Variants in PUDP observed in about 807,000 individuals in gnomAD.
The protein encoded by PUDP is pseudouridine 5'-phosphatase.
A neutral mutation model predicts 9.4 loss-of-function variants in PUDP; 8 were observed. The ratio of observed to expected loss-of-function variants is 0.85; its 90% CI spans 0.50 to 1.53. The LOEUF (loss-of-function observed/expected upper bound fraction) is 1.53. PUDP is among the 40% of genes most tolerant of loss of function. PUDP has a pLI of 0.00. For missense variants in PUDP, 188 were observed against 189.7 expected (o/e 0.99, Z 0.05); for synonymous variants, 99 against 80.7 (o/e 1.23, Z -1.22).
At chrX:6,812,759 T>TG (rs2146701750) in intron 3 of PUDP, among the ~76,000 whole-genome samples, 1 of 111,482 alleles carries the variant, frequency 9.0e-6, no homozygotes, top group East Asian at 2.8e-4. Flanking sequence ...TAAACAAAAA[T>TG]GGAGTATCTT....
chrX:6,840,759 A>G (rs1267518156), intron 3 of PUDP, among the ~76,000 whole-genome samples: 1 of 105,704 alleles, frequency 9.5e-6, no homozygotes, highest in African/African-American at 3.5e-5. Context: ...CTGGGTGACA[A>G]TGATGTGTCC....
intron 3 of PUDP, among the ~76,000 whole-genome samples, chrX:6,755,254 C>T (rs1925156524): frequency 9.0e-6 from 1 of 111,667 alleles, no homozygotes; most frequent in Admixed American, 9.5e-5. Context: ...CCAGGGGGCT[C>T]ATAAGAACCT....
intron 3 of PUDP, among the ~76,000 whole-genome samples, chrX:7,052,496 A>C (rs11095340): frequency 0.25 from 27,890 of 111,189 alleles, 2,691 homozygotes; most frequent in Admixed American, 0.41. Flanking sequence ...AAAACACTGA[A>C]ACACACACAC....
intron 3 of PUDP, among the ~76,000 whole-genome samples, chrX:6,851,374 G>A (rs961212855): frequency 7.2e-5 from 8 of 111,191 alleles, no homozygotes; most frequent in Admixed American, 1.9e-4. Flanking sequence ...CAGACGTGTC[G>A]GTTATGATGT....
intron 1 of PUDP, among the ~76,000 whole-genome samples, chrX:6,720,905 C>T (rs749848417): frequency 9.0e-6 from 1 of 110,851 alleles, no homozygotes; most frequent in East Asian, 2.8e-4. Context: ...GGAATCCAAC[C>T]AAAGAGACTT....
intron 3 of PUDP, among the ~76,000 whole-genome samples, chrX:6,897,120 C>T (rs1267185900): frequency 9.0e-6 from 1 of 111,097 alleles, no homozygotes; most frequent in African/African-American, 3.3e-5. Flanking sequence ...GCTATGGTCT[C>T]CTTTCTTAGG....
intron 3 of PUDP, among the ~76,000 whole-genome samples, chrX:6,872,343 A>G (rs1325624175): frequency 9.0e-6 from 1 of 111,188 alleles, no homozygotes; most frequent in Non-Finnish European, 1.9e-5. Context: ...TAAGGACACC[A>G]GTGTTATTCG....
intron 3 of PUDP, among the ~76,000 whole-genome samples, chrX:6,883,208 T>G (rs1927373339): frequency 9.0e-6 from 1 of 111,723 alleles, no homozygotes; most frequent in Non-Finnish European, 1.9e-5. Context: ...AGTGCCTATT[T>G]AAAGAAGGTG....
intron 3 of PUDP, among the ~76,000 whole-genome samples, chrX:6,916,303 G>A (rs1364078328): frequency 9.3e-6 from 1 of 107,508 alleles, no homozygotes; most frequent in Non-Finnish European, 1.9e-5. Context: ...AACAGTCCAT[G>A]TCATGATTGT....
At chrX:6,976,907 T>C (rs185274128) in intron 3 of PUDP, among the ~76,000 whole-genome samples, 1 of 112,032 alleles carries the variant, frequency 8.9e-6, no homozygotes, top group African/African-American at 3.2e-5. Context: ...GCATGGAATA[T>C]AAACAAAATA....
chrX:7,137,231 G>A (rs756724756), intron 1 of PUDP, among the ~76,000 whole-genome samples: 1 of 96,987 alleles, frequency 1.0e-5, no homozygotes, highest in South Asian at 5.3e-4. Flanking sequence ...ACAAGAGCGA[G>A]ACTCCATCTC....
chrX:7,012,030 T>C (rs1274046652), intron 1 of PUDP, among the ~76,000 whole-genome samples: 1 of 112,690 alleles, frequency 8.9e-6, no homozygotes, highest in Non-Finnish European at 1.9e-5. Context: ...GATTTGTGTA[T>C]ATAAACATGC....
At chrX:6,816,270 T>G (rs907562372) in intron 3 of PUDP, among the ~76,000 whole-genome samples, 6 of 105,591 alleles carry the variant, frequency 5.7e-5, no homozygotes, top group Non-Finnish European at 1.2e-4. Context: ...ATTACATGTA[T>G]AGTATATATG....
At chrX:6,848,899 A>T (rs1436621807) in intron 3 of PUDP, among the ~76,000 whole-genome samples, 1 of 112,378 alleles carries the variant, frequency 8.9e-6, no homozygotes, top group Non-Finnish European at 1.9e-5. Context: ...CTTTCTTTGT[A>T]AATTACACAG....
intron 2 of PUDP, among the ~76,000 whole-genome samples, chrX:7,094,447 C>T (rs1392322612): frequency 3.7e-5 from 4 of 108,730 alleles, no homozygotes; most frequent in African/African-American, 1.0e-4. Context: ...AGCTCCGCCC[C>T]GCGGGTTCAC....
chrX:6,736,626 A>T (rs1924875555), intron 3 of PUDP, among the ~76,000 whole-genome samples: 1 of 112,195 alleles, frequency 8.9e-6, no homozygotes, highest in Non-Finnish European at 1.9e-5. Flanking sequence ...GGTAGACTGG[A>T]TAAAGAAAGC....
intron 3 of PUDP, among the ~76,000 whole-genome samples, chrX:6,827,260 G>A (rs952256992): frequency 1.8e-5 from 2 of 111,588 alleles, no homozygotes; most frequent in South Asian, 3.8e-4. Flanking sequence ...GGTTCTTGGT[G>A]TCTTGAACAA....
chrX:6,803,079 A>G (rs1925987466), intron 3 of PUDP, among the ~76,000 whole-genome samples: 1 of 89,489 alleles, frequency 1.1e-5, no homozygotes, highest in Non-Finnish European at 2.2e-5. Flanking sequence ...AAATAAAATA[A>G]AATAAAATAA....
chrX:7,059,641 T>C (rs1930344983), intron 3 of PUDP, among the ~76,000 whole-genome samples: 1 of 111,881 alleles, frequency 8.9e-6, no homozygotes, highest in African/African-American at 3.3e-5. Flanking sequence ...GAGCAGCAAG[T>C]TGTGTTTATT....
Sources: gnomAD v4.1 joint callset for allele counts (sites outside exome capture counted in the v4.1 genomes callset) on GRCh38, gnomAD v4.1.1 for gene constraint, MANE v1.5 for transcripts, NCBI Gene and HGNC (gene_info 2026-07-23, HGNC 2026-07-21) for gene names.